The following USP25 variants were observed in gnomAD, a reference collection of about 807,000 sequenced individuals.
The protein encoded by USP25 is ubiquitin specific peptidase 25, also known as ubiquitin carboxyl-terminal hydrolase 25.
Under a neutral mutation model 158.5 loss-of-function variants are expected in USP25, and 85 were observed. The observed-to-expected ratio is 0.54, with a 90% CI of 0.45 to 0.64. The LOEUF is 0.64. Among genes scored for constraint, USP25 ranks in the 30% least tolerant of loss-of-function variants. USP25 has a pLI of 0.00. For synonymous variants in USP25, 464 were observed against 460.4 expected, an observed-to-expected ratio of 1.01 and a Z score of -0.10; for missense variants, 1,242 against 1,327.3, an observed-to-expected ratio of 0.94 and a Z score of 1.00.
Position 15,864,424 on chromosome 21 carries a change from A to G in USP25, c.2704A>G (p.Arg902Gly). 6.2e-7 allele frequency: 1 copy of G among 1,601,526 alleles called. No individual in the cohort carries two copies. Among genetic ancestry groups the G allele is most frequent in the Non-Finnish European group, 8.5e-7 (1 of 1,176,732 alleles). ...EKTLLEQFGD[R>G]NLSFDERCHN... The stretch of plus-strand genomic sequence containing the variant: ...AACATTACTAGAACAATTTGGAGAT[A>G]GAAATTTGAGTTTTGATGAAAGGTA... Residue 902 changes from arginine (R) to glycine (G), a missense_variant, in exon 21 of 26, where the codon AGA (arginine) becomes GGA (glycine). By Grantham distance (125) the Arg-to-Gly change is moderately radical (BLOSUM62 -2). Transcript: ENST00000400183.
chr21:15,872,022 T>G lies in USP25; in HGVS notation c.2885+1875T>G, dbSNP rs865868266. 2.4e-3 allele frequency among the ~76,000 whole-genome samples: 339 copies of G among 140,856 alleles called. 1 individual carries two copies. The highest frequency in any genetic ancestry group is 8.0e-3 in the African/African-American group (319 of 40,028). 92.4% of individuals were successfully genotyped at this position (140,856 alleles called of 152,430 possible). On this transcript the variant is annotated intron_variant, in intron 23 of 25. Transcript: ENST00000400183. ...AAAAAGAAAGAAATACTGTTTTTTTTTTTTTTTTTTTTTTTTTTACTTTAA... is the reference window on the plus strand; with the variant it reads ...AAAAAGAAAGAAATACTGTTTTTTTGTTTTTTTTTTTTTTTTTTACTTTAA...
chr21:15,859,024 T>C (rs1456862317), intron 20 of USP25, among the ~76,000 whole-genome samples: 1 of 151,422 alleles, frequency 6.6e-6, no homozygotes, highest in Non-Finnish European at 1.5e-5. Context: ...CACCACACTG[T>C]TTGTTTACCA....
In USP25 at chr21:15,802,270, A is replaced by G. The variant is rs559033686; in HGVS notation, c.642+2427A>G. Among the ~76,000 whole-genome samples, 7 of 151,696 alleles carry G rather than the reference A, an allele frequency of 4.6e-5. No homozygotes were observed. The South Asian group carries it at 1.2e-3, about 27-fold the overall frequency. ...TTAAAGTGAATGTCATCAGAAGGAA[A>G]TGGGTTTAGTTGAGTACCATACTGT... On this transcript the variant is annotated intron_variant, in intron 6 of 25. Coordinates refer to ENST00000400183, the MANE Select transcript of USP25 (RefSeq NM_001283041.3).
At chr21:15,744,618 C>G (rs944737134) in intron 1 of USP25, among the ~76,000 whole-genome samples, 2 of 142,578 alleles carry the variant, frequency 1.4e-5, no homozygotes, top group African/African-American at 5.4e-5. Flanking sequence ...GGCAGAGCTT[C>G]GTTCTTGTTG....
At chr21:15,874,229 T>C (rs1434274492) in intron 23 of USP25, among the ~76,000 whole-genome samples, 174 bp from the exon 24 acceptor site, 1 of 152,232 alleles carries the variant, frequency 6.6e-6, no homozygotes, top group African/African-American at 2.4e-5. Context: ...GGGTTTCAGA[T>C]GTTGCTGTTG....
Position 15,874,521 on chromosome 21 carries a change from T to C in USP25, c.3004T>C (p.Leu1002=). The C allele has an allele frequency of 1.3e-6, 2 of 1,594,224 alleles. No homozygotes were observed. Among genetic ancestry groups the C allele is most frequent in the Non-Finnish European group, 1.7e-6 (2 of 1,174,300 alleles). ...ELISHYRREC[L]LKLNEQAAEL... Reference sequence around the variant, plus strand: ...GATATCACATTATAGAAGAGAATGTTTGCTAGTAAGTTGAATGCATATAGT... The same window carrying C: ...GATATCACATTATAGAAGAGAATGTCTGCTAGTAAGTTGAATGCATATAGT... Residue 1002 remains leucine (L), a synonymous_variant, in exon 24 of 26, where the codon TTG becomes CTG. Transcript: ENST00000400183.
intron 1 of USP25, among the ~76,000 whole-genome samples, chr21:15,750,215 T>TGTGTGTG (rs1491098028): frequency 1.1e-4 from 1 of 9,094 alleles, no homozygotes; most frequent in African/African-American, 1.3e-4. Context: ...TGTGTGTATG[T>TGTGTGTG]TTTTTTTTTT....
chr21:15,760,375 A>C (rs147647859), intron 1 of USP25, among the ~76,000 whole-genome samples: 1 of 152,280 alleles, frequency 6.6e-6, no homozygotes, highest in East Asian at 1.9e-4. Flanking sequence ...TTCCACTTTA[A>C]AGACTTGATG....
chr21:15,851,590 T>C (rs1440116601), intron 20 of USP25, among the ~76,000 whole-genome samples: 1 of 152,126 alleles, frequency 6.6e-6, no homozygotes, highest in Non-Finnish European at 1.5e-5. Flanking sequence ...ATGTATGCTA[T>C]ATGTGATTGA....
intron 1 of USP25, among the ~76,000 whole-genome samples, chr21:15,754,086 CACA>C (rs2033215978): frequency 6.6e-6 from 1 of 151,868 alleles, no homozygotes; most frequent in Admixed American, 6.5e-5. Flanking sequence ...GATTTTTTTT[CACA>C]AAAGGACAGT....
At chr21:15,768,243 A>C (rs933841766) in intron 3 of USP25, among the ~76,000 whole-genome samples, 1 of 152,082 alleles carries the variant, frequency 6.6e-6, no homozygotes, top group African/African-American at 2.4e-5. Context: ...CTTTCCCTCT[A>C]ATCAGGGTGC....
intron 1 of USP25, among the ~76,000 whole-genome samples, chr21:15,761,320 TC>T (rs936140058): frequency 2.6e-5 from 4 of 151,806 alleles, no homozygotes; most frequent in Non-Finnish European, 5.9e-5. Context: ...GAAGGGGGCC[TC>T]CCCCCCAGGA....
At chr21:15,738,884 T>TACTGTTTTGTTC (rs2031772076) in intron 1 of USP25, among the ~76,000 whole-genome samples, 1 of 152,156 alleles carries the variant, frequency 6.6e-6, no homozygotes, top group African/African-American at 2.4e-5. Flanking sequence ...AAAATCCCGA[T>TACTGTTTTGTTC]ACTGTTTTGT....
Position 15,826,339 on chromosome 21 carries a change from T to C in USP25, c.1440T>C (p.Gly480=), listed in dbSNP as rs755414018. ...TTGACGCTAGTTCCCCACCTAGTGGTTCCATACCATCACAGACATTACCAA... is the reference window on the plus strand; with the variant it reads ...TTGACGCTAGTTCCCCACCTAGTGGCTCCATACCATCACAGACATTACCAA... ...DDIDASSPPS[G]SIPSQTLPST... is the part of the protein sequence containing the mutation. Residue 480 remains glycine, a synonymous_variant, in exon 13 of 26, where the codon GGT becomes GGC. Coordinates refer to ENST00000400183, the MANE Select transcript of USP25 (RefSeq NM_001283041.3). The surrounding 1 kb of genome is among the most constrained non-coding windows in gnomAD (Gnocchi z 4.8). 1 of 1,614,006 alleles carries C rather than the reference T, an allele frequency of 6.2e-7. No individual in the cohort carries two copies. The highest frequency in any genetic ancestry group is 8.5e-7 in the Non-Finnish European group (1 of 1,179,920).
At chr21:15,820,890 A>C (rs2037197892) in intron 10 of USP25, among the ~76,000 whole-genome samples, 1 of 151,972 alleles carries the variant, frequency 6.6e-6, no homozygotes, top group Non-Finnish European at 1.5e-5. Context: ...TAAAACATCC[A>C]ATTGGCTATA....
At chr21:15,832,991 C>G (rs1368029315) in intron 16 of USP25, among the ~76,000 whole-genome samples, 7 of 152,072 alleles carry the variant, frequency 4.6e-5, no homozygotes, top group Non-Finnish European at 8.8e-5. Context: ...GCACTCCAGC[C>G]TGAGTGACAG....
rs1011581053 is a variant in USP25, at chr21:15,804,318, G to A, written c.643-803G>A. On this transcript the variant is annotated intron_variant, in intron 6 of 25. Transcript: ENST00000400183. ...TGAGAAACAAAAGTAAGATTTCAGA[G>A]GAATATTAGGAGGGTGATATATTAG... 2.6e-5 allele frequency among the ~76,000 whole-genome samples: 4 copies of A among 151,396 alleles called. No individual in the cohort carries two copies. The East Asian group carries it at 7.7e-4, about 29-fold the overall frequency.
chr21:15,801,851 A>G (rs1385942301), intron 6 of USP25, among the ~76,000 whole-genome samples: 2 of 151,588 alleles, frequency 1.3e-5, no homozygotes, highest in Non-Finnish European at 3.0e-5. Flanking sequence ...ATTGAGTGAG[A>G]TTTGAAAGAA....
At chr21:15,788,686 C>A (rs2035427255) in intron 4 of USP25, among the ~76,000 whole-genome samples, 1 of 152,054 alleles carries the variant, frequency 6.6e-6, no homozygotes, top group Non-Finnish European at 1.5e-5. Flanking sequence ...GAAATCATGG[C>A]ATTCCCCTTT....
Sources: allele counts gnomAD v4.1 joint callset (sites outside exome capture counted in the v4.1 genomes callset), GRCh38; gene constraint gnomAD v4.1.1; non-coding constraint Gnocchi (gnomAD v3.1); transcripts MANE v1.5; gene names NCBI Gene and HGNC (gene_info 2026-07-23, HGNC 2026-07-21).